Variants in LRP5 observed in about 807,000 individuals in gnomAD.
LRP5 encodes low-density lipoprotein receptor-related protein 5.
Under a neutral mutation model 154.1 loss-of-function variants are expected in LRP5, and 62 were observed. The observed-to-expected ratio is 0.40, with a 90% confidence interval of 0.33 to 0.50. The LOEUF is 0.50. LRP5 is among the 20% of genes least tolerant of loss of function. LRP5 has a pLI of 0.55. For synonymous variants in LRP5, 966 were observed against 1,011.5 expected (o/e 0.96, Z 0.85); for missense variants, 1,915 against 2,336.7 (o/e 0.82, Z 3.72).
chr11:68,374,477 G>T (rs560280627), intron 5 of LRP5, among the ~76,000 whole-genome samples: 1 of 152,212 alleles, frequency 6.6e-6, no homozygotes, highest in African/African-American at 2.4e-5. Context: ...CAGCTCACAC[G>T]GTTCAGGAAG....
chr11:68,402,850 C>T (rs1374663691), intron 7 of LRP5, among the ~76,000 whole-genome samples: 1 of 152,192 alleles, frequency 6.6e-6, no homozygotes, highest in African/African-American at 2.4e-5. Flanking sequence ...TGGTCTGTTC[C>T]AAATCTTGCT....
intron 5 of LRP5, among the ~76,000 whole-genome samples, chr11:68,382,526 T>C (rs142231883): frequency 0.013 from 1,949 of 152,262 alleles, 28 homozygotes; most frequent in Non-Finnish European, 0.016. Flanking sequence ...TCACCTAAGG[T>C]CTCTGCCCTG....
In LRP5 at chr11:68,423,511, G is replaced by A. The variant is rs957441400; in HGVS notation, c.3050G>A (p.Ser1017Asn). Residue 1017 changes from serine to asparagine, a missense_variant, in exon 14 of 23, where the codon AGC becomes AAC. Ser to Asn is a conservative substitution (Grantham distance 46, BLOSUM62 1). Transcript: ENST00000294304. This position sits in a 1 kb window ranked among gnomAD's most constrained non-coding sequence, Gnocchi z 4.7. ...CAGCCCTTTGTTTTGACCTCTCTGA[G>A]CCAAGGCCAAAACCCAGACAGGCAG... ...GTQPFVLTSL[S>N]QGQNPDRQPH... 1.9e-6 allele frequency: 3 copies of A among 1,614,056 alleles called. No individual in the cohort carries two copies. The highest frequency in any genetic ancestry group is 2.5e-6 in the Non-Finnish European group (3 of 1,180,030).
intron 1 of LRP5, among the ~76,000 whole-genome samples, chr11:68,318,386 C>T (rs2098594711): frequency 6.8e-6 from 1 of 147,648 alleles, no homozygotes; most frequent in South Asian, 2.1e-4. Context: ...GTTGCTGAGG[C>T]TGGAGTGCAG....
chr11:68,337,533 C>T (rs1370912951), intron 1 of LRP5, among the ~76,000 whole-genome samples: 1 of 152,188 alleles, frequency 6.6e-6, no homozygotes, highest in East Asian at 1.9e-4. Context: ...AGCTCTTCCT[C>T]CTCCAGGAAG....
In LRP5 at chr11:68,312,745, C is replaced by T. The variant is rs1272970460; in HGVS notation, c.31C>T (p.Pro11Ser). The change falls in exon 1 of 23, where the codon CCG becomes TCG. Residue 11 changes from proline to serine, a missense_variant. Physicochemically the swap from Pro to Ser is moderately conservative, Grantham distance 74. Coordinates refer to ENST00000294304, the MANE Select transcript of LRP5 (RefSeq NM_002335.4). The stretch of plus-strand genomic sequence containing the variant: ...GGCAGCGCCGCCCGGGCCGCCGTGG[C>T]CGCTGCTGCTGCTGCTGCTGCTGCT... MEAAPPGPPW[P>S]LLLLLLLLLA... The T allele has an allele frequency of 8.4e-6, 9 of 1,071,004 alleles. No homozygotes were observed. In the Admixed American group the frequency reaches 1.8e-4, roughly 22 times the overall value. 66.3% of individuals were successfully genotyped at this position (1,071,004 alleles called of 1,614,324 possible).
chr11:68,351,171 G>C (rs549723124), intron 2 of LRP5, among the ~76,000 whole-genome samples: 1 of 152,252 alleles, frequency 6.6e-6, no homozygotes, highest in East Asian at 1.9e-4. Flanking sequence ...GGCCAGAGCA[G>C]CCTCGTGCCC....
At chr11:68,418,399 C>T (rs187871029) in intron 13 of LRP5, among the ~76,000 whole-genome samples, 1 of 150,952 alleles carries the variant, frequency 6.6e-6, no homozygotes, top group East Asian at 1.9e-4. Flanking sequence ...GAGACGCCAT[C>T]TCAAAAAAAA....
chr11:68,331,649 A>G (rs768126683), intron 1 of LRP5, among the ~76,000 whole-genome samples: 12 of 151,984 alleles, frequency 7.9e-5, no homozygotes, highest in South Asian at 2.1e-4. Flanking sequence ...TGCCCCCTGT[A>G]TGTTTCCTGT....
chr11:68,316,308 G>C (rs2098593353), intron 1 of LRP5, among the ~76,000 whole-genome samples: 1 of 151,994 alleles, frequency 6.6e-6, no homozygotes, highest in South Asian at 2.1e-4. Context: ...GTCTTGCTCT[G>C]TTGCCCAGGT....
rs1039839345 is a variant in LRP5, at chr11:68,447,407, T to G, written c.4586+874T>G. 1.3e-5 allele frequency among the ~76,000 whole-genome samples: 2 copies of G among 152,072 alleles called. 1 individual carries two copies. Among genetic ancestry groups the G allele is most frequent in the South Asian group, 4.2e-4 (2 of 4,816 alleles). ...GTGCCGCCTGCCACCTAGTGGCCAT[T>G]TCCACGAACTCCCAGGCCTGGCTGG... On this transcript the variant is annotated intron_variant, in intron 22 of 22. Transcript: ENST00000294304. The surrounding 1 kb of genome is among the most constrained non-coding windows in gnomAD (Gnocchi z 4.3).
At chr11:68,321,866 G>C (rs879313553) in intron 1 of LRP5, among the ~76,000 whole-genome samples, 1 of 152,168 alleles carries the variant, frequency 6.6e-6, no homozygotes, top group Non-Finnish European at 1.5e-5. Context: ...TGCTCAACGG[G>C]GCATTAATAG....
At chr11:68,340,602 T>C (rs2098608391) in intron 1 of LRP5, among the ~76,000 whole-genome samples, 1 of 152,196 alleles carries the variant, frequency 6.6e-6, no homozygotes, top group African/African-American at 2.4e-5. Flanking sequence ...GTGATTGTCA[T>C]GGGCCAGGTC....
At chr11:68,334,156 C>T (rs1470772703) in intron 1 of LRP5, among the ~76,000 whole-genome samples, 1 of 152,198 alleles carries the variant, frequency 6.6e-6, no homozygotes, top group Non-Finnish European at 1.5e-5. Flanking sequence ...ATCACTTGAA[C>T]CCAGGAGGCG....
Position 68,436,907 on chromosome 11 carries a change from A to G in LRP5, c.4019A>G (p.Gln1340Arg), listed in dbSNP as rs2098675307. The change falls in exon 19 of 23, where the codon CAG (glutamine) becomes CGG (arginine). Residue 1340 changes from glutamine to arginine, a missense_variant. Gln to Arg is a conservative substitution (Grantham distance 43). Around this residue, in one of 3 missense-constraint regions of LRP5, gnomAD observed 1,094 missense variants for 1,210.1 expected, o/e 0.90. Transcript: ENST00000294304. ...CTTGCAGCCATCTGCCTGCCCAACC[A>G]GTTCCGGTGTGCGAGCGGCCAGTGT... ...ADCDAICLPN[Q>R]FRCASGQCVL... The G allele has an allele frequency of 6.2e-7, 1 of 1,613,800 alleles. No individual in the cohort carries two copies. The highest frequency in any genetic ancestry group is 8.5e-7 in the Non-Finnish European group (1 of 1,179,938).
At chr11:68,429,866 C>T (rs969369822) in intron 17 of LRP5, among the ~76,000 whole-genome samples, 166 bp downstream of exon 17, 3 of 152,194 alleles carry the variant, frequency 2.0e-5, no homozygotes, top group Admixed American at 6.5e-5. Flanking sequence ...TATGTGCATT[C>T]GGTGCTATGA....
chr11:68,444,935 G>C (rs971914953), intron 21 of LRP5, among the ~76,000 whole-genome samples: 19 of 151,972 alleles, frequency 1.3e-4, no homozygotes, highest in Non-Finnish European at 2.4e-4. Flanking sequence ...GGCTCTCTGG[G>C]CCAAAGAGGA....
rs121908674 is a variant in LRP5 at position 68,410,076 on chromosome 11, C to T, written c.2254C>T (p.Arg752Trp). 4.3e-6 allele frequency: 7 copies of T among 1,614,008 alleles called. No individual in the cohort carries two copies. The highest frequency in any genetic ancestry group is 1.1e-5 in the South Asian group (1 of 91,086). The stretch of plus-strand genomic sequence containing the variant: ...AGTGGCGCGGCTGGACGGGCAGTTC[C>T]GGCAAGTCCTCGTGTGGAGGGACTT... ...IEVARLDGQF[R>W]QVLVWRDLDN... The change falls in exon 10 of 23, where the codon CGG becomes TGG. Residue 752 changes from arginine to tryptophan, a missense_variant. Transcript: ENST00000294304.
chr11:68,412,841 A>G (rs1217222725), intron 11 of LRP5: 1 of 156,942 alleles, frequency 6.4e-6, no homozygotes, highest in East Asian at 1.6e-4. Flanking sequence ...CAGGAAGGGC[A>G]GCAAGAATTT....
Sources: allele counts gnomAD v4.1 joint callset (sites outside exome capture counted in the v4.1 genomes callset), GRCh38; gene constraint gnomAD v4.1.1; regional missense constraint gnomAD v4.1.1; non-coding constraint Gnocchi (gnomAD v3.1); transcripts MANE v1.5; gene names NCBI Gene and HGNC (gene_info 2026-07-23, HGNC 2026-07-21).